TSC2: variants seen among roughly 807,000 people sequenced by gnomAD.
The protein encoded by TSC2 is TSC complex subunit 2, also known as tuberin.
Under a neutral mutation model 202.2 loss-of-function variants are expected in TSC2, and 29 were observed. The ratio of observed to expected loss-of-function variants is 0.14; its 90% CI spans 0.11 to 0.20. The LOEUF (loss-of-function observed/expected upper bound fraction) is 0.20. TSC2 is among the 10% of genes least tolerant of loss of function. The probability of loss-of-function intolerance (pLI) is 1.00; values close to 1 mark genes in which losing one functional copy is unlikely to be tolerated. For synonymous variants in TSC2, 1,349 were observed against 1,044.0 expected (o/e 1.29, Z -5.63); for missense variants, 2,429 against 2,420.0 (o/e 1.00, Z -0.08).
intron 16 of TSC2, among the ~76,000 whole-genome samples, chr16:2,069,643 C>A (rs577878384): frequency 4.8e-4 from 73 of 152,296 alleles, no homozygotes; most frequent in Middle Eastern, 3.4e-3. Context: ...CCACGCCCGG[C>A]TAATTTTTTT....
In TSC2 at chr16:2,079,348, T is replaced by C. The variant is rs1060504101; in HGVS notation, c.3204T>C (p.Thr1068=). The C allele has an allele frequency of 5.6e-6, 9 of 1,612,836 alleles. No homozygotes were observed. The African/African-American group carries it at 9.3e-5, about 17-fold the overall frequency. ...GGCTGGTTGGGAACAAGCTTGTCAC[T>C]GTGACGACAAGCGTGGGAACCGGGA... is the stretch of plus-strand genomic sequence containing the variant. ...KTWLVGNKLV[T]VTTSVGTGTR... Residue 1068 remains threonine, a synonymous_variant, in exon 28 of 42, where the codon ACT becomes ACC. Transcript: ENST00000219476. The surrounding 1 kb of genome is among the most constrained non-coding windows in gnomAD (Gnocchi z 4.6).
At chr16:2,049,326 T>A (rs1447323748) in intron 2 of TSC2, among the ~76,000 whole-genome samples, 1 of 149,776 alleles carries the variant, frequency 6.7e-6, no homozygotes, top group African/African-American at 2.5e-5. Flanking sequence ...CCTCAGGTGA[T>A]CTGCCCGCTT....
intron 21 of TSC2, 117 bp downstream of exon 21, chr16:2,073,100 G>A: frequency 6.6e-7 from 1 of 1,507,492 alleles, no homozygotes. Context: ...GGATGAGTGA[G>A]TTGGCTCTGC....
At chr16:2,055,645 C>A in intron 6 of TSC2, 126 bp downstream of exon 6, 1 of 944,084 alleles carries the variant, frequency 1.1e-6, no homozygotes. Context: ...GTAATCTCAG[C>A]ACTTTGGGAG....
chr16:2,080,594 C>T (rs1231532597), intron 30 of TSC2: 4 of 590,622 alleles, frequency 6.8e-6, no homozygotes, highest in South Asian at 6.1e-5. Flanking sequence ...CGCCATTCTC[C>T]TGCCTCAGCC....
intron 3 of TSC2, among the ~76,000 whole-genome samples, 194 bp downstream of exon 3, chr16:2,050,680 C>T (rs2085000220): frequency 6.6e-6 from 1 of 150,796 alleles, no homozygotes; most frequent in African/African-American, 2.4e-5. Context: ...CAGCCTCTGC[C>T]TCCTGGGTTC....
Position 2,084,735 on chromosome 16 carries a change from G to A in TSC2, c.4493+20G>A, listed in dbSNP as rs2090548880. On this transcript the variant is annotated intron_variant, in intron 34 of 41. Coordinates refer to ENST00000219476, the MANE Select transcript of TSC2 (RefSeq NM_000548.5). ...CCCCAGGTGGGCCTCTTGCTTCCGG[G>A]CGGGGCTCCTGACACCTCTCCTGCG... 1.6e-5 allele frequency: 25 copies of A among 1,598,430 alleles called. No homozygotes were observed. The highest frequency in any genetic ancestry group is 2.0e-5 in the Non-Finnish European group (24 of 1,179,852).
chr16:2,060,194 G>A (rs982119626), intron 10 of TSC2, among the ~76,000 whole-genome samples: 3 of 152,198 alleles, frequency 2.0e-5, no homozygotes, highest in African/African-American at 4.8e-5. Context: ...GTCCGTCCTC[G>A]TTCTGTGCTC....
chr16:2,049,552 C>T (rs758184970), intron 2 of TSC2, among the ~76,000 whole-genome samples: 76 of 151,614 alleles, frequency 5.0e-4, no homozygotes, highest in African/African-American at 1.5e-3. Flanking sequence ...TGGCTGGGTG[C>T]GGTGGCTCAC....
rs770054036 is a variant in TSC2, at chr16:2,082,433, C to T, written c.3815-3C>T. 20 of 1,612,454 alleles carry T rather than the reference C, an allele frequency of 1.2e-5. No individual in the cohort carries two copies. Among genetic ancestry groups the T allele is most frequent in the Admixed American group, 6.7e-5 (4 of 60,012 alleles). On this transcript the variant is annotated splice_polypyrimidine_tract_variant and splice_region_variant and intron_variant, in intron 31 of 41. Transcript: ENST00000219476. Reference sequence around the variant, plus strand: ...CGTGGCCGCACACGGCCTTCCCTTGCAGTGGCCTCTTTCTCCTCCCTGTAC... The same window carrying T: ...CGTGGCCGCACACGGCCTTCCCTTGTAGTGGCCTCTTTCTCCTCCCTGTAC...
chr16:2,076,828 G>A (rs2089453656), intron 25 of TSC2, among the ~76,000 whole-genome samples: 1 of 152,220 alleles, frequency 6.6e-6, no homozygotes, highest in Admixed American at 6.5e-5. Flanking sequence ...TTGGGGGTTG[G>A]GGTGCAAGCT....
chr16:2,088,482 C>T lies in TSC2; in HGVS notation c.5296C>T (p.Pro1766Ser), dbSNP rs779621136. Residue 1766 changes from proline to serine, a missense_variant, in exon 42 of 42, where the codon CCT becomes TCT. By Grantham distance (74) the Pro-to-Ser change is moderately conservative. Transcript: ENST00000219476. ...EEAAYSNPSL[P>S]LVHPPSHSKA... ...AGCCGCCTACTCCAACCCCAGCCTA[C>T]CTCTGGTGCACCCTCCGTCCCATAG... 5.0e-6 allele frequency: 8 copies of T among 1,612,816 alleles called. No homozygotes were observed. The highest frequency in any genetic ancestry group is 5.1e-6 in the Non-Finnish European group (6 of 1,180,042).
Position 2,064,373 on chromosome 16 carries a change from G to A in TSC2, c.1545G>A (p.Leu515=). Residue 515 remains leucine (L), a synonymous_variant, in exon 15 of 42, where the codon CTG becomes CTA. Transcript: ENST00000219476. ...TGGCCACCCAGTTGCTGGTGGACCT[G>A]GCAGAGGGCTGCCACACACACCACT... ...RKLATQLLVD[L]AEGCHTHHFN... 6.2e-7 allele frequency: 1 copy of A among 1,613,744 alleles called. No homozygotes were observed. Among genetic ancestry groups the A allele is most frequent in the Non-Finnish European group, 8.5e-7 (1 of 1,180,034 alleles).
rs776460111 is a variant in TSC2 at position 2,064,453 on chromosome 16, G to T, written c.1599+26G>T. On this transcript the variant is annotated intron_variant, in intron 15 of 41. Coordinates refer to ENST00000219476, the MANE Select transcript of TSC2 (RefSeq NM_000548.5). ...GTGAGAGCCGTTGTACCCGGGGCCGGGTGCTAGCGTGCCAGAGCTCCGTGG... is the reference window on the plus strand; with the variant it reads ...GTGAGAGCCGTTGTACCCGGGGCCGTGTGCTAGCGTGCCAGAGCTCCGTGG... 2.5e-6 allele frequency: 4 copies of T among 1,612,234 alleles called. No individual in the cohort carries two copies. The South Asian group carries it at 3.3e-5, about 13-fold the overall frequency.
Position 2,089,459 on chromosome 16 carries a change from G to C in TSC2, c.*849G>C. ...CACAGCCCGCTGTACCTGAGGACTC[G>C]GGGAAATAAATTAGCATCTCAGAGG... On this transcript the variant is annotated 3_prime_UTR_variant, in exon 42 of 42. Transcript: ENST00000219476. 1 of 539,480 alleles carries C rather than the reference G, an allele frequency of 1.9e-6. No individual in the cohort carries two copies. The highest frequency in any genetic ancestry group is 3.1e-5 in the East Asian group (1 of 31,986). The allele number at this position is 539,480 out of a possible 1,614,324, so 33.4% of individuals were successfully genotyped here.
chr16:2,084,153 C>A, intron 33 of TSC2, 75 bp from the exon 34 acceptor site: 2 of 1,549,172 alleles, frequency 1.3e-6, no homozygotes, highest in Non-Finnish European at 1.7e-6. Context: ...TAGGGCCTCA[C>A]CACCTCCAGG....
intron 16 of TSC2, among the ~76,000 whole-genome samples, chr16:2,069,378 G>T (rs769040991): frequency 9.9e-5 from 15 of 151,684 alleles, no homozygotes; most frequent in African/African-American, 1.7e-4. Context: ...GTGCAGTGGC[G>T]CAATCTTGGT....
Position 2,074,189 on chromosome 16 carries a change from G to C in TSC2, c.2356-11G>C, listed in dbSNP as rs756976305. 3.7e-6 allele frequency: 6 copies of C among 1,610,552 alleles called. No homozygotes were observed. The highest frequency in any genetic ancestry group is 1.1e-5 in the South Asian group (1 of 90,994). ...AAGCGGGTGGGGCCTGAGGTGTCCT[G>C]TCTCCTGCAGCGCGAGATGGTCTAC... On this transcript the variant is annotated splice_polypyrimidine_tract_variant and intron_variant, in intron 21 of 41. Coordinates refer to ENST00000219476, the MANE Select transcript of TSC2 (RefSeq NM_000548.5).
Position 2,064,396 on chromosome 16 carries a change from A to G in TSC2, c.1568A>G (p.His523Arg). 6.2e-7 allele frequency: 1 copy of G among 1,613,640 alleles called. No homozygotes were observed. The highest frequency in any genetic ancestry group is 1.1e-5 in the South Asian group (1 of 91,084). The change falls in exon 15 of 42, where the codon CAC becomes CGC. Residue 523 changes from histidine to arginine, a missense_variant. Coordinates refer to ENST00000219476, the MANE Select transcript of TSC2 (RefSeq NM_000548.5). ...CTGGCAGAGGGCTGCCACACACACC[A>G]CTTCAACAGCCTGCTGGACATCATC... Reference protein sequence around the residue: ...VDLAEGCHTHHFNSLLDIIEK... With the variant: ...VDLAEGCHTHRFNSLLDIIEK...
Sources: gnomAD v4.1 joint callset for allele counts (sites outside exome capture counted in the v4.1 genomes callset) on GRCh38, gnomAD v4.1.1 for gene constraint, Gnocchi (gnomAD v3.1) non-coding constraint, MANE v1.5 for transcripts, NCBI Gene and HGNC (gene_info 2026-07-23, HGNC 2026-07-21) for gene names.